Variants in TENM2 observed in about 807,000 individuals in gnomAD.
TENM2 encodes teneurin-2.
TENM2 carries 52 observed loss-of-function variants against 245.2 expected under a neutral mutation model. That is an observed-to-expected ratio of 0.21 (90% CI 0.17 to 0.27). The LOEUF (loss-of-function observed/expected upper bound fraction) is 0.27. TENM2 is among the 10% of genes least tolerant of loss of function. The pLI, the probability that TENM2 is intolerant of heterozygous loss-of-function variation, is 1.00. For missense variants in TENM2, 3,046 were observed against 3,666.8 expected, an observed-to-expected ratio of 0.83 and a Z score of 4.37; for synonymous variants, 1,363 against 1,438.9, an observed-to-expected ratio of 0.95 and a Z score of 1.19.
chr5:167,317,308 T>C (rs1352588141), intron 1 of TENM2, among the ~76,000 whole-genome samples: 1 of 152,128 alleles, frequency 6.6e-6, no homozygotes, highest in Admixed American at 6.5e-5. Flanking sequence ...TTTAAAACCT[T>C]CCTTTCTCAA....
At chr5:167,814,999 AGT>A (rs1766935838) in intron 2 of TENM2, among the ~76,000 whole-genome samples, 1 of 152,130 alleles carries the variant, frequency 6.6e-6, no homozygotes, top group Non-Finnish European at 1.5e-5. Context: ...AGTGGGGATG[AGT>A]GTGAATCTAC....
the TENM2 span, among the ~76,000 whole-genome samples, chr5:167,043,133 T>TGCTTAA: frequency 6.6e-6 from 1 of 152,252 alleles, no homozygotes; most frequent in East Asian, 1.9e-4. Context: ...CCTGTTCATT[T>TGCTTAA]GCTTAAGCTT....
At chr5:167,246,867 G>A in the TENM2 span, among the ~76,000 whole-genome samples, 102,435 of 151,750 alleles carry the variant, frequency 0.68, 35,789 homozygotes, top group Middle Eastern at 0.86. Context: ...AGCTTCCCAC[G>A]AAAGCCCCCC....
chr5:167,071,878 G>GGCCCCCCCCCCCC, the TENM2 span, among the ~76,000 whole-genome samples: 2 of 124,024 alleles, frequency 1.6e-5, no homozygotes, highest in Non-Finnish European at 3.4e-5. Flanking sequence ...TTGACAAATC[G>GGCCCCCCCCCCCC]CCCCCCCCCG....
chr5:167,687,407 A>T (rs1757144436), intron 2 of TENM2, among the ~76,000 whole-genome samples: 1 of 152,190 alleles, frequency 6.6e-6, no homozygotes. Context: ...TTCATCATCA[A>T]GTAGAGAAAG....
chr5:167,268,920 A>AGAT, the TENM2 span, among the ~76,000 whole-genome samples: 2 of 150,072 alleles, frequency 1.3e-5, no homozygotes, highest in Non-Finnish European at 1.5e-5. Flanking sequence ...ATAGATAGAT[A>AGAT]GATAGATAGA....
chr5:167,375,220 A>G (rs1252086127), exon 2 of TENM2: 1 of 1,551,558 alleles, frequency 6.4e-7, no homozygotes, highest in African/African-American at 1.4e-5. Flanking sequence ...CCCTTGCCGA[A>G]CTGGGCATCT....
intron 2 of TENM2, among the ~76,000 whole-genome samples, chr5:167,700,403 A>G (rs1758060149): frequency 1.3e-5 from 2 of 152,200 alleles, no homozygotes; most frequent in South Asian, 4.1e-4. Flanking sequence ...AGGGGCCTGC[A>G]TGTTCAGGTT....
chr5:167,307,202 T>G (rs1338582184), intron 1 of TENM2, among the ~76,000 whole-genome samples: 3 of 152,132 alleles, frequency 2.0e-5, no homozygotes, highest in Non-Finnish European at 4.4e-5. Flanking sequence ...CTCAGATCTG[T>G]GCAGCCAGAT....
At chr5:167,427,441 G>A (rs1036533796) in intron 2 of TENM2, among the ~76,000 whole-genome samples, 11 of 150,292 alleles carry the variant, frequency 7.3e-5, no homozygotes, top group Non-Finnish European at 3.0e-5. Flanking sequence ...TGACAAGAGT[G>A]AAACATCTCA....
Position 167,981,393 on chromosome 5 carries a change from G to A in TENM2, c.948-11551G>A, listed in dbSNP as rs1427952339. On this transcript the variant is annotated intron_variant, in intron 4 of 28. Coordinates refer to ENST00000518659, the Ensembl canonical transcript of TENM2. The stretch of plus-strand genomic sequence containing the variant: ...GCCTGGAAGAGAAGAGAAGCTTGGA[G>A]TGGAAATCAAAAGTTGTGTTTTGGT... 2.6e-5 allele frequency among the ~76,000 whole-genome samples: 4 copies of A among 152,208 alleles called. No individual in the cohort carries two copies. In the East Asian group the frequency reaches 5.8e-4, roughly 22 times the overall value.
intron 2 of TENM2, among the ~76,000 whole-genome samples, chr5:167,435,389 CA>C (rs1764485593): frequency 6.6e-6 from 1 of 152,136 alleles, no homozygotes; most frequent in African/African-American, 2.4e-5. Flanking sequence ...GATGGTTTAA[CA>C]AGGAGAAACC....
chr5:168,133,083 T>C (rs1754732604), intron 12 of TENM2, among the ~76,000 whole-genome samples: 1 of 152,212 alleles, frequency 6.6e-6, no homozygotes, highest in Non-Finnish European at 1.5e-5. Flanking sequence ...CCTCAATTTC[T>C]CCATGTGGCA....
chr5:167,775,255 A>G (rs2150791650), intron 2 of TENM2, among the ~76,000 whole-genome samples: 1 of 152,340 alleles, frequency 6.6e-6, no homozygotes, highest in African/African-American at 2.4e-5. Context: ...GGCATGAGCC[A>G]CTGTGCCTGG....
At chr5:167,778,287 AGT>A (rs1392065536) in intron 2 of TENM2, among the ~76,000 whole-genome samples, 2 of 152,218 alleles carry the variant, frequency 1.3e-5, no homozygotes, top group Non-Finnish European at 2.9e-5. Context: ...GTGGAGGAGA[AGT>A]GTTCTGAAAG....
At chr5:167,414,975 T>C (rs560264153) in intron 2 of TENM2, among the ~76,000 whole-genome samples, 7 of 152,296 alleles carry the variant, frequency 4.6e-5, no homozygotes, top group African/African-American at 1.2e-4. Context: ...TGTTGTATTA[T>C]AAGTTTCCAT....
chr5:167,753,262 AAGG>A (rs1294209191), intron 2 of TENM2, among the ~76,000 whole-genome samples: 6 of 152,196 alleles, frequency 3.9e-5, no homozygotes, highest in Admixed American at 3.3e-4. Flanking sequence ...GGTTGGTCTG[AAGG>A]AGATTTAGGG....
Position 168,247,762 on chromosome 5 carries a change from T to G in TENM2, c.6823T>G (p.Ser2275Ala). The G allele has an allele frequency of 2.5e-6, 4 of 1,613,788 alleles. No homozygotes were observed. The highest frequency in any genetic ancestry group is 3.4e-6 in the Non-Finnish European group (4 of 1,179,874). The change falls in exon 27 of 29, where the codon TCT becomes GCT. Residue 2275 changes from serine to alanine, a missense_variant. By Grantham distance (99) the Ser-to-Ala change is moderately conservative. Coordinates refer to ENST00000518659, the Ensembl canonical transcript of TENM2. This position sits in a 1 kb window ranked among gnomAD's most constrained non-coding sequence, Gnocchi z 7.8. ...CGATGGCTATCTGTGCCAGAGAGGGTCTGACATCTTCGAATACAATTCCAA... is the reference window on the plus strand; with the variant it reads ...CGATGGCTATCTGTGCCAGAGAGGGGCTGACATCTTCGAATACAATTCCAA...
the TENM2 span, among the ~76,000 whole-genome samples, chr5:167,226,571 A>C: frequency 9.9e-5 from 15 of 152,018 alleles, no homozygotes; most frequent in Non-Finnish European, 1.5e-5. Context: ...GATTTAAAAA[A>C]ATTTGTTGAG....
Sources: gnomAD v4.1 joint callset for allele counts (sites outside exome capture counted in the v4.1 genomes callset) on GRCh38, gnomAD v4.1.1 for gene constraint, Gnocchi (gnomAD v3.1) non-coding constraint, MANE v1.5 for transcripts, NCBI Gene and HGNC (gene_info 2026-07-23, HGNC 2026-07-21) for gene names.